The following MAMSTR variants were observed in gnomAD, a reference collection of about 807,000 sequenced individuals.
MAMSTR encodes the protein MEF2-activating motif and SAP domain-containing transcriptional regulator.
A neutral mutation model predicts 42.7 loss-of-function variants in MAMSTR; 41 were observed. The observed-to-expected ratio is 0.96, with a 90% confidence interval of 0.75 to 1.25. The LOEUF is 1.25. MAMSTR is among the 50% of genes most tolerant of loss of function. MAMSTR has a pLI of 0.00. For missense variants in MAMSTR, 567 were observed against 557.6 expected, an observed-to-expected ratio of 1.02 and a Z score of -0.17; for synonymous variants, 265 against 244.1, an observed-to-expected ratio of 1.09 and a Z score of -0.80.
chr19:48,707,745 GAGAGAGAAA>G (rs1189486760), downstream of MAMSTR, among the ~76,000 whole-genome samples: 1 of 145,976 alleles, frequency 6.9e-6, no homozygotes, highest in Non-Finnish European at 1.5e-5. Flanking sequence ...AAGAGAGAGA[GAGAGAGAAA>G]AGAGAGAAAG....
In MAMSTR at chr19:48,719,416, C is replaced by T. The variant is rs2033169750; in HGVS notation, c.-22+263G>A. Among the ~76,000 whole-genome samples, 1 of 152,022 alleles carries T rather than the reference C, an allele frequency of 6.6e-6. No homozygotes were observed. The highest frequency in any genetic ancestry group is 2.1e-4 in the South Asian group (1 of 4,828). ...CTAGGAAAGGGAGGAAGCAGAGGGG[C>T]CTGGAGTCTGGAATCTTGAAGGAGA... On this transcript the variant is annotated intron_variant, in intron 1 of 9. Transcript: ENST00000318083. This position sits in a 1 kb window ranked among gnomAD's most constrained non-coding sequence, Gnocchi z 4.4.
In MAMSTR at chr19:48,713,235, C is replaced by T; in HGVS notation, c.*32G>A. ...ACAAGGAGCTTCTCTCCACCCCCAT[C>T]AGTTCTCTGTCTCTGTAAATCCTAG... On this transcript the variant is annotated 3_prime_UTR_variant, in exon 10 of 10. Coordinates refer to ENST00000318083, the MANE Select transcript of MAMSTR (RefSeq NM_001130915.2). 1.3e-6 allele frequency: 2 copies of T among 1,546,264 alleles called. No individual in the cohort carries two copies. The highest frequency in any genetic ancestry group is 1.7e-6 in the Non-Finnish European group (2 of 1,149,662).
At chr19:48,708,848 G>A (rs1169714347), downstream of MAMSTR, among the ~76,000 whole-genome samples, 1 of 152,138 alleles carries the variant, frequency 6.6e-6, no homozygotes, top group Admixed American at 6.6e-5. Flanking sequence ...AAGGGCAGGA[G>A]GGAGTTGGAG....
intron 2 of MAMSTR, among the ~76,000 whole-genome samples, chr19:48,717,761 G>T (rs978882760): frequency 2.6e-5 from 4 of 151,638 alleles, no homozygotes; most frequent in African/African-American, 9.7e-5. Flanking sequence ...CTGGAGTGCA[G>T]TGGTGCGATC....
chr19:48,711,912 AT>A (rs553017285), downstream of MAMSTR, among the ~76,000 whole-genome samples: 1 of 128,208 alleles, frequency 7.8e-6, no homozygotes, highest in African/African-American at 2.6e-5. Flanking sequence ...TGCCCAGCTA[AT>A]TTTTTTGTAT....
intron 2 of MAMSTR, among the ~76,000 whole-genome samples, chr19:48,717,403 C>A (rs1451127638): frequency 1.3e-5 from 2 of 151,802 alleles, no homozygotes; most frequent in African/African-American, 2.4e-5. Flanking sequence ...CAGCCTTGAA[C>A]TCCTGGGCTC....
downstream of MAMSTR, among the ~76,000 whole-genome samples, chr19:48,708,550 T>A (rs139740458): frequency 8.2e-3 from 1,235 of 150,944 alleles, 18 homozygotes; most frequent in African/African-American, 0.029. Context: ...TGGAGAAGAG[T>A]TGGGTGTTGG....
At chr19:48,718,909 T>TAC in intron 2 of MAMSTR, 65 bp downstream of exon 2, 5 of 1,353,248 alleles carry the variant, frequency 3.7e-6, no homozygotes, top group Non-Finnish European at 4.1e-6. Context: ...ACCCCTCCCT[T>TAC]CCCACCCCAG....
Position 48,716,750 on chromosome 19 carries a change from AGGGAGGAGGGAGGT to A in MAMSTR, c.59-21_59-8del. On this transcript the variant is annotated splice_polypyrimidine_tract_variant and splice_region_variant and intron_variant, in intron 2 of 9. Transcript: ENST00000318083. ...TGGATCCGAAGCTGGAGGACTGTGG[AGGGAGGAGGGAGGT>A]GGGAGGAGGAAGGCGGGAAGGGAGT... The A allele has an allele frequency of 3.1e-6, 4 of 1,301,436 alleles. No individual in the cohort carries two copies. The highest frequency in any genetic ancestry group is 3.9e-6 in the Non-Finnish European group (4 of 1,013,718). The allele number at this position is 1,301,436 out of a possible 1,614,324, so 80.6% of individuals were successfully genotyped here. A position where few individuals can be genotyped will look rare whatever the true frequency, so the allele number is the denominator to read the frequency against.
chr19:48,713,326 C>T lies in MAMSTR; in HGVS notation c.1189G>A (p.Ala397Thr). The change falls in exon 10 of 10, where the codon GCT becomes ACT. Residue 397 changes from alanine (A) to threonine (T), a missense_variant. Ala to Thr is a moderately conservative substitution (Grantham distance 58, BLOSUM62 0). Transcript: ENST00000318083. ...SGPPPPSIFS[A>T]DLSDSSSSRL... ...CTGCTGCTGGAGTCAGATAAGTCAG[C>T]GGAGAAGATGCTGGGGGGTGGGGGA... is the stretch of plus-strand genomic sequence containing the variant. 6.2e-7 allele frequency: 1 copy of T among 1,608,078 alleles called. No homozygotes were observed. The highest frequency in any genetic ancestry group is 1.1e-5 in the South Asian group (1 of 90,820).
intron 2 of MAMSTR, among the ~76,000 whole-genome samples, chr19:48,717,735 C>T (rs1320897390): frequency 6.6e-6 from 1 of 151,602 alleles, no homozygotes; most frequent in African/African-American, 2.4e-5. Flanking sequence ...GACAGAGTAT[C>T]GCTCTGTCAC....
chr19:48,716,576 T>G, intron 3 of MAMSTR, 129 bp downstream of exon 3: 1 of 1,040,542 alleles, frequency 9.6e-7, no homozygotes, highest in Non-Finnish European at 1.2e-6. Flanking sequence ...AGGATGGGAT[T>G]TTGGTCTGTC....
downstream of MAMSTR, among the ~76,000 whole-genome samples, chr19:48,708,747 TGGG>T (rs965444005): frequency 6.6e-6 from 1 of 151,696 alleles, no homozygotes; most frequent in Admixed American, 6.6e-5. Flanking sequence ...TGGAGGCAGG[TGGG>T]GGGCCTGGCA....
Position 48,715,446 on chromosome 19 carries a change from C to T in MAMSTR, c.241G>A (p.Glu81Lys), listed in dbSNP as rs1324753122. 6.7e-7 allele frequency: 1 copy of T among 1,487,952 alleles called. No homozygotes were observed. The highest frequency in any genetic ancestry group is 8.9e-7 in the Non-Finnish European group (1 of 1,123,618). The allele number at this position is 1,487,952 out of a possible 1,614,324, so 92.2% of individuals were successfully genotyped here. A position where few individuals can be genotyped will look rare whatever the true frequency, so the allele number is the denominator to read the frequency against. ...YCPPWRSPKK[E>K]SPKISQRWRE... ...CAACGTTGGGAGATCTTGGGAGACT[C>T]CTGAAAGAGCAGGTGTGATGTTTTA... Residue 81 changes from glutamate (E) to lysine (K), a missense_variant and splice_region_variant, in exon 5 of 10, where the codon GAG (glutamate) becomes AAG (lysine). Physicochemically the swap from Glu to Lys is moderately conservative, Grantham distance 56 (BLOSUM62 1). Coordinates refer to ENST00000318083, the MANE Select transcript of MAMSTR (RefSeq NM_001130915.2).
At chr19:48,708,823 G>A (rs989659876), downstream of MAMSTR, among the ~76,000 whole-genome samples, 1 of 152,042 alleles carries the variant, frequency 6.6e-6, no homozygotes, top group Admixed American at 6.6e-5. Context: ...AGGGATGACG[G>A]ATGCAGCAGG....
intron 6 of MAMSTR, 71 bp downstream of exon 6, chr19:48,714,735 G>A: frequency 7.3e-7 from 1 of 1,364,458 alleles, no homozygotes. Context: ...GAGGGCAGAG[G>A]CTGCGGGGTT....
chr19:48,706,497 C>T, the MAMSTR span, among the ~76,000 whole-genome samples: 1 of 150,854 alleles, frequency 6.6e-6, no homozygotes, highest in South Asian at 2.2e-4. Context: ...ATTAGCTAGG[C>T]GTGGTGGTGC....
At chr19:48,707,360 G>A in the MAMSTR span, among the ~76,000 whole-genome samples, 1 of 151,588 alleles carries the variant, frequency 6.6e-6, no homozygotes, top group East Asian at 1.9e-4. Flanking sequence ...AGGTTGCAGT[G>A]AGCCGAGATT....
At chr19:48,714,695 G>A (rs897034521) in intron 6 of MAMSTR, 111 bp downstream of exon 6, 3 of 1,262,090 alleles carry the variant, frequency 2.4e-6, no homozygotes, top group East Asian at 2.3e-5. Flanking sequence ...AAACAGGATG[G>A]GACTGGGTAC....
Sources: gnomAD v4.1 joint callset for allele counts (sites outside exome capture counted in the v4.1 genomes callset) on GRCh38, gnomAD v4.1.1 for gene constraint, Gnocchi (gnomAD v3.1) non-coding constraint, MANE v1.5 for transcripts, NCBI Gene and HGNC (gene_info 2026-07-23, HGNC 2026-07-21) for gene names.